Variants in STS observed in about 807,000 individuals in gnomAD.
STS encodes steroid sulfatase.
A neutral mutation model predicts 26.8 loss-of-function variants in STS; 7 were observed. The observed-to-expected ratio is 0.26, with a 90% CI of 0.15 to 0.49. STS has a LOEUF of 0.49. STS is among the 20% of genes least tolerant of loss of function. The pLI is 0.98. For missense variants in STS, 434 were observed against 465.6 expected (o/e 0.93, Z 0.63); for synonymous variants, 199 against 189.4 (o/e 1.05, Z -0.42).
At chrX:7,220,673 C>T (rs186576214) in intron 2 of STS, among the ~76,000 whole-genome samples, 4,372 of 107,046 alleles carry the variant, frequency 0.041, 224 homozygotes, top group African/African-American at 0.14. Flanking sequence ...CTCAGCCTCC[C>T]GAGTAGCTGG....
At chrX:7,208,346 T>C (rs147409246) in intron 2 of STS, among the ~76,000 whole-genome samples, 2,714 of 112,469 alleles carry the variant, frequency 0.024, 52 homozygotes, top group African/African-American at 0.053. Flanking sequence ...GGAAACAGTT[T>C]ACAGATATAA....
In STS at chrX:7,276,216, G is replaced by C. The variant is rs957773767; in HGVS notation, c.943+129G>C. The C allele has an allele frequency of 5.5e-6, 5 of 902,314 alleles. No homozygotes were observed. The South Asian group carries it at 1.1e-4, about 19-fold the overall frequency. The allele number at this position is 902,314 out of a possible 1,213,427, so 74.4% of individuals were successfully genotyped here. A position where few individuals can be genotyped will look rare whatever the true frequency, so the allele number is the denominator to read the frequency against. ...AGCAAATGTATGGGGTTTTTTGAAA[G>C]TAACCAAAAATGCATTGATCCTGAA... is the stretch of plus-strand genomic sequence containing the variant. On this transcript the variant is annotated intron_variant, in intron 7 of 10. Coordinates refer to ENST00000674429, the MANE Select transcript of STS (RefSeq NM_001320752.2).
At chrX:7,157,073 G>GATGATGTCTTGTGCAGT (rs1466352506) in intron 1 of STS, among the ~76,000 whole-genome samples, 1 of 111,805 alleles carries the variant, frequency 8.9e-6, no homozygotes, top group Non-Finnish European at 1.9e-5. Context: ...GTGCAGTAGT[G>GATGATGTCTTGTGCAGT]GATGATGCAA....
intron 1 of STS, among the ~76,000 whole-genome samples, chrX:7,189,122 G>A (rs1159118768): frequency 9.0e-6 from 1 of 111,248 alleles, no homozygotes; most frequent in African/African-American, 3.3e-5. Flanking sequence ...TATATGGAAT[G>A]GTAATTTTTC....
chrX:7,301,499 A>T (rs1457595647), intron 7 of STS, among the ~76,000 whole-genome samples: 1 of 111,655 alleles, frequency 9.0e-6, no homozygotes, highest in Non-Finnish European at 1.9e-5. Context: ...TAGTTTCCTT[A>T]TTATATATAT....
At chrX:7,196,826 T>A (rs112965186) in intron 2 of STS, among the ~76,000 whole-genome samples, 1 of 111,517 alleles carries the variant, frequency 9.0e-6, no homozygotes, top group East Asian at 2.8e-4. Context: ...CCTGGTAGTC[T>A]GCCTGTATCC....
chrX:7,187,901 G>T (rs1278920715), intron 1 of STS, among the ~76,000 whole-genome samples: 2 of 111,153 alleles, frequency 1.8e-5, no homozygotes, highest in Non-Finnish European at 3.8e-5. Flanking sequence ...ATTTGGAGGG[G>T]GCATGCAAAT....
At chrX:7,172,824 G>C in intron 1 of STS, among the ~76,000 whole-genome samples, 1 of 112,045 alleles carries the variant, frequency 8.9e-6, no homozygotes, top group Non-Finnish European at 1.9e-5. Context: ...TAAGAGGCTT[G>C]ATCTGTTGGT....
At chrX:7,161,395 T>G (rs1489210918) in intron 1 of STS, among the ~76,000 whole-genome samples, 1 of 112,263 alleles carries the variant, frequency 8.9e-6, no homozygotes, top group East Asian at 2.8e-4. Context: ...AGAATGGGTA[T>G]GTAGTTCAGA....
chrX:7,205,618 C>T (rs867469806), intron 2 of STS, among the ~76,000 whole-genome samples: 4 of 103,527 alleles, frequency 3.9e-5, no homozygotes, highest in Admixed American at 1.1e-4. Flanking sequence ...TCTTTTCTTT[C>T]GTTTTCTTTT....
intron 3 of STS, among the ~76,000 whole-genome samples, chrX:7,254,785 A>T (rs775239057): frequency 9.1e-6 from 1 of 109,319 alleles, no homozygotes; most frequent in African/African-American, 3.3e-5. Context: ...GGGTTTCACT[A>T]TGTTGGCCAG....
chrX:7,239,896 T>C (rs1922509329), intron 2 of STS, among the ~76,000 whole-genome samples: 1 of 106,278 alleles, frequency 9.4e-6, no homozygotes. Flanking sequence ...TTTTTTTTTT[T>C]TTGAGACCGA....
At chrX:7,322,383 A>T (rs1415298830) in intron 8 of STS, among the ~76,000 whole-genome samples, 2 of 111,548 alleles carry the variant, frequency 1.8e-5, no homozygotes, top group Admixed American at 1.9e-4. Context: ...GGCTGCCTCA[A>T]TGCAGATTCT....
At chrX:7,331,069 A>C (rs1329962990) in intron 9 of STS, among the ~76,000 whole-genome samples, 4 of 110,484 alleles carry the variant, frequency 3.6e-5, no homozygotes, top group Non-Finnish European at 7.6e-5. Flanking sequence ...TCTTTCTCTT[A>C]TGATCCTTCA....
chrX:7,205,327 C>G (rs1443395345), intron 2 of STS, among the ~76,000 whole-genome samples: 2 of 111,926 alleles, frequency 1.8e-5, no homozygotes, highest in Non-Finnish European at 3.8e-5. Context: ...TTGTTCCCCC[C>G]AAGCTAAAAG....
Position 7,351,673 on chromosome X carries a change from C to T in STS, c.*1412C>T, listed in dbSNP as rs777818585. 1.8e-5 allele frequency: 2 copies of T among 111,689 alleles called. No homozygotes were observed. Among genetic ancestry groups the T allele is most frequent in the African/African-American group, 6.5e-5 (2 of 30,724 alleles). The allele number at this position is 111,689 out of a possible 1,213,427, so 9.2% of individuals were successfully genotyped here. ...CTCTTTTGTGGACTTGTCTGACCAC[C>T]TTCTATTTGCCCAGAGTTTGCTCAA... On this transcript the variant is annotated 3_prime_UTR_variant, in exon 11 of 11. Transcript: ENST00000674429.
intron 2 of STS, among the ~76,000 whole-genome samples, chrX:7,251,223 G>A (rs1004657780): frequency 9.0e-6 from 1 of 111,641 alleles, no homozygotes; most frequent in Non-Finnish European, 1.9e-5. Flanking sequence ...TTGTGTTCCT[G>A]ATTCTGAGGT....
At chrX:7,312,984 C>T (rs1926554252) in intron 8 of STS, among the ~76,000 whole-genome samples, 1 of 111,743 alleles carries the variant, frequency 8.9e-6, no homozygotes, top group Non-Finnish European at 1.9e-5. Context: ...TTGCCTTTTC[C>T]TCATACTACA....
intron 1 of STS, among the ~76,000 whole-genome samples, chrX:7,163,847 T>A (rs1933297042): frequency 8.9e-6 from 1 of 111,816 alleles, no homozygotes; most frequent in African/African-American, 3.3e-5. Context: ...TTAGATAGGG[T>A]CTCATTCTGT....
Sources: gnomAD v4.1 joint callset for allele counts (sites outside exome capture counted in the v4.1 genomes callset) on GRCh38, gnomAD v4.1.1 for gene constraint, MANE v1.5 for transcripts, NCBI Gene and HGNC (gene_info 2026-07-23, HGNC 2026-07-21) for gene names.